Variants in SCFD2 observed in about 807,000 individuals in gnomAD.
The protein encoded by SCFD2 is sec1 family domain-containing protein 2.
Under a neutral mutation model 58.9 loss-of-function variants are expected in SCFD2, and 54 were observed. That is an observed-to-expected ratio of 0.92 (90% CI 0.74 to 1.15). SCFD2 has a LOEUF of 1.15. Among genes scored for constraint, SCFD2 ranks in the 50% most tolerant of loss-of-function variants. SCFD2 has a pLI of 0.00. For missense variants in SCFD2, 805 were observed against 836.6 expected, an observed-to-expected ratio of 0.96 and a Z score of 0.47; for synonymous variants, 321 against 335.9, an observed-to-expected ratio of 0.96 and a Z score of 0.49.
chr4:53,159,947 A>T (rs1726805024), intron 4 of SCFD2, among the ~76,000 whole-genome samples: 1 of 152,242 alleles, frequency 6.6e-6, no homozygotes, highest in Non-Finnish European at 1.5e-5. Flanking sequence ...GCACAAAAAA[A>T]TGCACGAAAA....
intron 4 of SCFD2, among the ~76,000 whole-genome samples, chr4:53,261,947 G>T (rs1252614161): frequency 6.6e-6 from 1 of 151,992 alleles, no homozygotes; most frequent in Non-Finnish European, 1.5e-5. Context: ...TTTTCCTTTT[G>T]TACTAGTCCT....
chr4:53,163,505 C>T lies in SCFD2; in HGVS notation c.1312-17923G>A, dbSNP rs543408129. The stretch of plus-strand genomic sequence containing the variant: ...TAAGGAGGCCGAGGTGGGCAGATCA[C>T]TTGAGGTCAAGAGTTTGAGACCAGT... On this transcript the variant is annotated intron_variant, in intron 4 of 8. Coordinates refer to ENST00000401642, the MANE Select transcript of SCFD2 (RefSeq NM_152540.4). Among the ~76,000 whole-genome samples the T allele has an allele frequency of 2.2e-3, 334 of 152,294 alleles. 1 individual carries two copies. The highest frequency in any genetic ancestry group is 3.4e-3 in the Middle Eastern group (1 of 294).
chr4:53,031,910 C>T (rs1213412675), intron 5 of SCFD2, among the ~76,000 whole-genome samples: 1 of 152,090 alleles, frequency 6.6e-6, no homozygotes, highest in African/African-American at 2.4e-5. Context: ...CAAGACAGGC[C>T]AACATTCAAA....
chr4:53,299,308 C>G (rs1429131450), intron 3 of SCFD2, among the ~76,000 whole-genome samples: 1 of 152,144 alleles, frequency 6.6e-6, no homozygotes, highest in African/African-American at 2.4e-5. Context: ...GCAAAAGCCT[C>G]AGTAACTGAT....
chr4:53,176,899 A>G (rs1364466673), intron 4 of SCFD2, among the ~76,000 whole-genome samples: 1 of 148,574 alleles, frequency 6.7e-6, no homozygotes, highest in African/African-American at 2.5e-5. Context: ...CAGTCAGCTG[A>G]GATTGTGCCA....
At chr4:52,926,743 C>T (rs917471908) in intron 5 of SCFD2, among the ~76,000 whole-genome samples, 6 of 152,230 alleles carry the variant, frequency 3.9e-5, no homozygotes, top group South Asian at 4.1e-4. Context: ...CAAGCCCCAA[C>T]GCAGCAGGGG....
rs773748716 is a variant in SCFD2, at chr4:52,959,927, T to TACACACACACACACAC, written c.1562-39058_1562-39057insGTGTGTGTGTGTGTGT. Reference sequence around the variant, plus strand: ...ACACACACACACACACACACACACTTGAATCACCTATACAGAAGAAAACAG... The same window carrying TACACACACACACACAC: ...ACACACACACACACACACACACACTTACACACACACACACACGAATCACCTATACAGAAGAAAACAG... On this transcript the variant is annotated intron_variant, in intron 5 of 8. Coordinates refer to ENST00000401642, the MANE Select transcript of SCFD2 (RefSeq NM_152540.4). 1.1e-3 allele frequency among the ~76,000 whole-genome samples: 131 copies of TACACACACACACACAC among 116,088 alleles called. No homozygotes were observed. In the South Asian group the frequency reaches 0.012, roughly 10 times the overall value. The allele number at this position is 116,088 out of a possible 152,430, so 76.2% of individuals were successfully genotyped here. A position where few individuals can be genotyped will look rare whatever the true frequency, so the allele number is the denominator to read the frequency against.
chr4:52,989,801 C>T (rs1251897741), intron 5 of SCFD2, among the ~76,000 whole-genome samples: 1 of 152,024 alleles, frequency 6.6e-6, no homozygotes, highest in African/African-American at 2.4e-5. Context: ...TTTCTCTGTT[C>T]CCTTCTTTCC....
intron 5 of SCFD2, among the ~76,000 whole-genome samples, chr4:52,976,873 C>T (rs61689349): frequency 0.015 from 2,290 of 152,212 alleles, 61 homozygotes; most frequent in African/African-American, 0.053. Context: ...CCTGGTTCCA[C>T]CATTTACTAG....
At chr4:53,216,636 C>T (rs1204956321) in intron 4 of SCFD2, among the ~76,000 whole-genome samples, 3 of 152,120 alleles carry the variant, frequency 2.0e-5, no homozygotes, top group Non-Finnish European at 4.4e-5. Flanking sequence ...TTTTTTGTGT[C>T]GGTATCTACT....
intron 5 of SCFD2, among the ~76,000 whole-genome samples, chr4:53,102,410 T>TA (rs1055973186): frequency 7.9e-5 from 12 of 151,810 alleles, no homozygotes; most frequent in Non-Finnish European, 1.6e-4. Flanking sequence ...CATATTTGAC[T>TA]AAAAAAAATT....
chr4:53,211,175 G>A lies in SCFD2; in HGVS notation c.1311+62651C>T, dbSNP rs187550558. The stretch of plus-strand genomic sequence containing the variant: ...GGGGAATCGTTTGAACCCGGGGGGC[G>A]GAGGTTGCAATGAGCTGAGATTGCA... On this transcript the variant is annotated intron_variant, in intron 4 of 8. Transcript: ENST00000401642. Among the ~76,000 whole-genome samples the A allele has an allele frequency of 1.6e-4, 25 of 151,868 alleles. No individual in the cohort carries two copies. In the East Asian group the frequency reaches 4.1e-3, roughly 25 times the overall value.
intron 5 of SCFD2, among the ~76,000 whole-genome samples, chr4:53,013,600 G>T (rs1722146323): frequency 1.3e-5 from 2 of 152,126 alleles, no homozygotes; most frequent in Admixed American, 1.3e-4. Context: ...AACTACTCAT[G>T]AGTACTCTTC....
chr4:53,337,159 G>C (rs1341899636), intron 2 of SCFD2, among the ~76,000 whole-genome samples: 1 of 152,146 alleles, frequency 6.6e-6, no homozygotes, highest in Non-Finnish European at 1.5e-5. Context: ...TAGCAAGTCT[G>C]GTTTCTCCCA....
rs1020522068 is a variant in SCFD2, at chr4:52,970,232, G to A, written c.1562-49362C>T. On this transcript the variant is annotated intron_variant, in intron 5 of 8. Coordinates refer to ENST00000401642, the MANE Select transcript of SCFD2 (RefSeq NM_152540.4). ...AGCAGGGCGAGGCATCGCCTCACCC[G>A]GTAAGTGCAAGGGGTCAGGGAATTC... Among the ~76,000 whole-genome samples the A allele has an allele frequency of 7.2e-5, 11 of 152,340 alleles. No homozygotes were observed. The East Asian group carries it at 7.7e-4, about 11-fold the overall frequency.
At position 53,238,058 on chromosome 4, in the gene SCFD2, C is replaced by A. The variant is rs1270912926; in HGVS notation, c.1311+35768G>T. ...GTGGCTGGCCGGGCGGGGGGCTGACCCCCCCACCTCCCTCCCGGATGGGGC... is the reference window on the plus strand; with the variant it reads ...GTGGCTGGCCGGGCGGGGGGCTGACACCCCCACCTCCCTCCCGGATGGGGC... On this transcript the variant is annotated intron_variant, in intron 4 of 8. Transcript: ENST00000401642. Among the ~76,000 whole-genome samples the A allele has an allele frequency of 1.4e-4, 19 of 131,382 alleles. 1 individual carries two copies. In the South Asian group the frequency reaches 4.7e-3, roughly 33 times the overall value. 86.2% of individuals were successfully genotyped at this position (131,382 alleles called of 152,430 possible).
At chr4:53,253,574 T>G (rs1431241333) in intron 4 of SCFD2, among the ~76,000 whole-genome samples, 3 of 151,608 alleles carry the variant, frequency 2.0e-5, no homozygotes, top group African/African-American at 7.3e-5. Context: ...AAATGATGAG[T>G]TCATGTCCTT....
In SCFD2 at chr4:53,105,627, G is replaced by C. The variant is rs1279580609; in HGVS notation, c.1561+39706C>G. On this transcript the variant is annotated intron_variant, in intron 5 of 8. Transcript: ENST00000401642. ...TCCGCAAAGCCGCAGTAGTCAGATT[G>C]CCTCTCTAGATTCCTCCTCTTTGGG... Among the ~76,000 whole-genome samples, 4 of 152,320 alleles carry C rather than the reference G, an allele frequency of 2.6e-5. No individual in the cohort carries two copies. The East Asian group carries it at 7.7e-4, about 29-fold the overall frequency.
intron 4 of SCFD2, among the ~76,000 whole-genome samples, chr4:53,187,675 G>T (rs1454780726): frequency 6.6e-6 from 1 of 151,894 alleles, no homozygotes; most frequent in Non-Finnish European, 1.5e-5. Flanking sequence ...TTATTATATG[G>T]TCCCATTTTC....
Sources: gnomAD v4.1 joint callset for allele counts (sites outside exome capture counted in the v4.1 genomes callset) on GRCh38, gnomAD v4.1.1 for gene constraint, MANE v1.5 for transcripts, NCBI Gene and HGNC (gene_info 2026-07-23, HGNC 2026-07-21) for gene names.